Variants in TNFRSF9 observed in about 807,000 individuals in gnomAD.
TNFRSF9 encodes the protein TNF receptor superfamily member 9, also known as tumor necrosis factor receptor superfamily member 9.
A neutral mutation model predicts 28.8 loss-of-function variants in TNFRSF9; 16 were observed. The observed-to-expected ratio is 0.55, with a 90% CI of 0.38 to 0.84. The LOEUF (loss-of-function observed/expected upper bound fraction) is 0.84, where lower values mean the gene tolerates loss of function less well. Ranked by LOEUF, TNFRSF9 falls within the 40% of genes least tolerant of loss-of-function variation. TNFRSF9 has a pLI of 0.00. For synonymous variants in TNFRSF9, 131 were observed against 117.0 expected (o/e 1.12, Z -0.77); for missense variants, 303 against 315.0 (o/e 0.96, Z 0.29).
intron 6 of TNFRSF9, among the ~76,000 whole-genome samples, chr1:7,934,767 C>T (rs894997452): frequency 1.3e-5 from 2 of 152,124 alleles, no homozygotes; most frequent in African/African-American, 4.8e-5. Flanking sequence ...AATCCCCTTT[C>T]CTTGGCATTG....
intron 7 of TNFRSF9, among the ~76,000 whole-genome samples, chr1:7,928,614 G>C (rs906206687): frequency 3.3e-5 from 5 of 152,088 alleles, no homozygotes; most frequent in African/African-American, 1.2e-4. Context: ...CAAATGGGCC[G>C]GGCATGGTGG....
chr1:7,929,094 C>T (rs1639694730), intron 7 of TNFRSF9, among the ~76,000 whole-genome samples: 1 of 151,324 alleles, frequency 6.6e-6, no homozygotes, highest in Non-Finnish European at 1.5e-5. Context: ...ATCTTTGTAG[C>T]AAAGGATAAT....
chr1:7,924,287 T>C (rs1425938503), intron 7 of TNFRSF9, among the ~76,000 whole-genome samples: 7 of 136,104 alleles, frequency 5.1e-5, no homozygotes, highest in Non-Finnish European at 9.1e-5. Context: ...TATTTCATAG[T>C]ATATTCCATA....
At chr1:7,928,287 G>A (rs56747178) in intron 7 of TNFRSF9, among the ~76,000 whole-genome samples, 1 of 152,316 alleles carries the variant, frequency 6.6e-6, no homozygotes, top group African/African-American at 2.4e-5. Context: ...TTGCACTCCT[G>A]AGCATTTATC....
intron 7 of TNFRSF9, among the ~76,000 whole-genome samples, chr1:7,931,972 C>G (rs568313359): frequency 6.6e-6 from 1 of 152,104 alleles, no homozygotes; most frequent in Non-Finnish European, 1.5e-5. Flanking sequence ...GGAGAAACCC[C>G]GTCTCTACTA....
chr1:7,924,542 C>T (rs2151412813), intron 7 of TNFRSF9, among the ~76,000 whole-genome samples: 1 of 151,728 alleles, frequency 6.6e-6, no homozygotes, highest in South Asian at 2.1e-4. Flanking sequence ...CAGGAGAATC[C>T]CTTGAACCCG....
At chr1:7,923,100 A>G (rs990677185) in intron 7 of TNFRSF9, among the ~76,000 whole-genome samples, 8 of 151,894 alleles carry the variant, frequency 5.3e-5, no homozygotes, top group Non-Finnish European at 1.0e-4. Flanking sequence ...ATGGGGTTTC[A>G]CCATATTGGC....
In TNFRSF9 at chr1:7,917,848, C is replaced by T. The variant is rs1335523209; in HGVS notation, c.*2987G>A. 6.6e-6 allele frequency: 1 copy of T among 151,086 alleles called. No individual in the cohort carries two copies. The highest frequency in any genetic ancestry group is 1.9e-4 in the East Asian group (1 of 5,152). The allele number at this position is 151,086 out of a possible 1,614,324, so 9.4% of individuals were successfully genotyped here. A position where few individuals can be genotyped will look rare whatever the true frequency, so the allele number is the denominator to read the frequency against. On this transcript the variant is annotated 3_prime_UTR_variant, in exon 8 of 8. Transcript: ENST00000377507. ...ATCACTTGAGCTCAGGAGTTCAAGACCAGCCTGGGCAACATAATGAAACCT... is the reference window on the plus strand; with the variant it reads ...ATCACTTGAGCTCAGGAGTTCAAGATCAGCCTGGGCAACATAATGAAACCT...
chr1:7,922,411 C>T lies in TNFRSF9; in HGVS notation c.680-1488G>A, dbSNP rs143928980. The stretch of plus-strand genomic sequence containing the variant: ...GCCAATTGGGTCAGGATCTCCAGAC[C>T]CAAGAAACAACATGGCAATGGGTTT... On this transcript the variant is annotated intron_variant, in intron 7 of 7. Transcript: ENST00000377507. Among the ~76,000 whole-genome samples, 447 of 152,232 alleles carry T rather than the reference C, an allele frequency of 2.9e-3. 5 individuals are homozygous for T. The highest frequency in any genetic ancestry group is 0.01 in the African/African-American group (418 of 41,524).
In TNFRSF9 at chr1:7,936,153, C is replaced by T. The variant is rs187886020; in HGVS notation, c.414-1010G>A. ...CTTTCCAGCTGGGCACAGTGGCTCACACCTGTAATCCCAGCACTTTGGGAG... is the reference window on the plus strand; with the variant it reads ...CTTTCCAGCTGGGCACAGTGGCTCATACCTGTAATCCCAGCACTTTGGGAG... On this transcript the variant is annotated intron_variant, in intron 5 of 7. Coordinates refer to ENST00000377507, the MANE Select transcript of TNFRSF9 (RefSeq NM_001561.6). Among the ~76,000 whole-genome samples, 363 of 152,266 alleles carry T rather than the reference C, an allele frequency of 2.4e-3. 4 individuals are homozygous for T. Among genetic ancestry groups the T allele is most frequent in the Non-Finnish European group, 2.6e-4 (18 of 68,026 alleles).
intron 4 of TNFRSF9, 57 bp from the exon 5 acceptor site, chr1:7,937,813 T>A: frequency 6.8e-7 from 1 of 1,480,774 alleles, no homozygotes; most frequent in South Asian, 1.1e-5. Flanking sequence ...ATTTTGTAAC[T>A]TTTCCTGTGA....
Position 7,920,687 on chromosome 1 carries a change from T to A in TNFRSF9, c.*148A>T, listed in dbSNP as rs879203565. Reference sequence around the variant, plus strand: ...AAGTGGTGCATTTTTAAAGGCCAACTCATTGGCATTTAGAAAAGAACGTGT... The same window carrying A: ...AAGTGGTGCATTTTTAAAGGCCAACACATTGGCATTTAGAAAAGAACGTGT... On this transcript the variant is annotated 3_prime_UTR_variant, in exon 8 of 8. Coordinates refer to ENST00000377507, the MANE Select transcript of TNFRSF9 (RefSeq NM_001561.6). The A allele has an allele frequency of 3.1e-6, 2 of 639,416 alleles. No homozygotes were observed. Among genetic ancestry groups the A allele is most frequent in the Non-Finnish European group, 5.5e-6 (2 of 363,170 alleles). 39.6% of individuals were successfully genotyped at this position (639,416 alleles called of 1,614,324 possible).
intron 7 of TNFRSF9, among the ~76,000 whole-genome samples, chr1:7,927,437 C>A (rs1639670596): frequency 6.6e-6 from 1 of 152,090 alleles, no homozygotes; most frequent in South Asian, 2.1e-4. Flanking sequence ...GGCAAGGTGC[C>A]CCCTGACCCC....
chr1:7,924,295 A>ATATG (rs1639604859), intron 7 of TNFRSF9, among the ~76,000 whole-genome samples: 1 of 282 alleles, frequency 3.5e-3, no homozygotes, highest in African/African-American at 9.1e-3. Flanking sequence ...AGTATATTCC[A>ATATG]TATATATATA....
intron 7 of TNFRSF9, among the ~76,000 whole-genome samples, chr1:7,929,105 T>C (rs2151415504): frequency 6.6e-6 from 1 of 152,054 alleles, no homozygotes; most frequent in African/African-American, 2.4e-5. Flanking sequence ...AAAGGATAAT[T>C]GTTTCAAAAT....
chr1:7,938,289 C>T lies in TNFRSF9; in HGVS notation c.250G>A (p.Ala84Thr), dbSNP rs372213895. ...TRKECSSTSN[A>T]ECDCTPGFHC... Reference sequence around the variant, plus strand: ...AACCCTGGAGTGCAGTCACACTCTGCATTGCTGGTGGAGGAACACTCCTTC... The same window carrying T: ...AACCCTGGAGTGCAGTCACACTCTGTATTGCTGGTGGAGGAACACTCCTTC... Residue 84 changes from alanine to threonine, a missense_variant, in exon 4 of 8, where the codon GCA becomes ACA. Physicochemically the swap from Ala to Thr is moderately conservative, Grantham distance 58 (BLOSUM62 0). Coordinates refer to ENST00000377507, the MANE Select transcript of TNFRSF9 (RefSeq NM_001561.6). The T allele has an allele frequency of 1.2e-6, 2 of 1,609,932 alleles. No individual in the cohort carries two copies. Among genetic ancestry groups the T allele is most frequent in the African/African-American group, 2.7e-5 (2 of 74,730 alleles).
intron 7 of TNFRSF9, among the ~76,000 whole-genome samples, chr1:7,931,235 T>C (rs1639727416): frequency 6.6e-6 from 1 of 152,240 alleles, no homozygotes; most frequent in Non-Finnish European, 1.5e-5. Context: ...AAGATACACA[T>C]GTTCCTTGTA....
intron 7 of TNFRSF9, among the ~76,000 whole-genome samples, chr1:7,924,696 T>G (rs1639614185): frequency 6.6e-6 from 1 of 151,956 alleles, no homozygotes; most frequent in African/African-American, 2.4e-5. Context: ...GGCAGGTCCT[T>G]TGGGAGGTAT....
chr1:7,933,577 C>T (rs1639768223), intron 6 of TNFRSF9, among the ~76,000 whole-genome samples: 1 of 151,366 alleles, frequency 6.6e-6, no homozygotes, highest in East Asian at 1.9e-4. Flanking sequence ...AACTTGTAAT[C>T]CCAGCTACTT....
Sources: gnomAD v4.1 joint callset for allele counts (sites outside exome capture counted in the v4.1 genomes callset) on GRCh38, gnomAD v4.1.1 for gene constraint, MANE v1.5 for transcripts, NCBI Gene and HGNC (gene_info 2026-07-23, HGNC 2026-07-21) for gene names.